The following CYTH1 variants were observed in gnomAD, a reference collection of about 807,000 sequenced individuals.
CYTH1 encodes the protein cytohesin-1.
A neutral mutation model predicts 61.8 loss-of-function variants in CYTH1; 18 were observed. That is an observed-to-expected ratio of 0.29 (90% confidence interval 0.20 to 0.43). The LOEUF (loss-of-function observed/expected upper bound fraction) is 0.43, where lower values mean the gene tolerates loss of function less well. Ranked by LOEUF, CYTH1 falls within the 20% of genes least tolerant of loss-of-function variation. CYTH1 has a pLI of 1.00. For synonymous variants in CYTH1, 174 were observed against 184.3 expected (o/e 0.94, Z 0.45); for missense variants, 336 against 510.5 (o/e 0.66, Z 3.29).
chr17:78,770,272 G>A lies in CYTH1; in HGVS notation c.22+11930C>T, dbSNP rs183446408. 1.0e-3 allele frequency among the ~76,000 whole-genome samples: 137 copies of A among 133,638 alleles called. 1 individual carries two copies. In the East Asian group the frequency reaches 0.026, roughly 25 times the overall value. The allele number at this position is 133,638 out of a possible 152,430, so 87.7% of individuals were successfully genotyped here. A position where few individuals can be genotyped will look rare whatever the true frequency, so the allele number is the denominator to read the frequency against. On this transcript the variant is annotated intron_variant, in intron 1 of 13. Transcript: ENST00000446868. ...CGGGAGGTGGAGGATGCAGTGAGTC[G>A]AAATTGTGCCACTGCACTCCAGCCT...
chr17:78,696,032 G>A (rs774973636), intron 9 of CYTH1, 23 bp from the exon 10 acceptor site: 1 of 1,367,746 alleles, frequency 7.3e-7, no homozygotes, highest in Non-Finnish European at 9.8e-7. Context: ...GCAAGGAAAA[G>A]GAGAGCCAAA....
At chr17:78,677,258 T>C (rs952393833) in intron 13 of CYTH1, 50 of 370,454 alleles carry the variant, frequency 1.3e-4, no homozygotes, top group African/African-American at 8.7e-4. Flanking sequence ...CTTGGCTTCC[T>C]GGGTAGGCCA....
intron 1 of CYTH1, among the ~76,000 whole-genome samples, chr17:78,769,237 A>AGGGG (rs1450638054): frequency 2.0e-5 from 3 of 151,902 alleles, no homozygotes; most frequent in African/African-American, 7.3e-5. Context: ...CCTGTGTAAC[A>AGGGG]ACACATACTG....
chr17:78,732,198 A>AG (rs1193524534), intron 1 of CYTH1, among the ~76,000 whole-genome samples: 1 of 152,140 alleles, frequency 6.6e-6, no homozygotes, highest in African/African-American at 2.4e-5. Flanking sequence ...GACCTAAGAT[A>AG]CCTGCCTTTT....
At position 78,676,094 on chromosome 17, in the gene CYTH1, G is replaced by A. The variant is rs1327734121; in HGVS notation, c.1194C>T (p.His398=). ...RKKKVSSTKR[H] ...ACCAACGCCCTTGGCTGCACGCTCA[G>A]TGTCGCTTCGTGGAGGAGACCTTCT... Residue 398 remains histidine (H), a synonymous_variant, in exon 14 of 14, where the codon CAC becomes CAT. Coordinates refer to ENST00000446868, the MANE Select transcript of CYTH1 (RefSeq NM_004762.6). The A allele has an allele frequency of 6.2e-7, 1 of 1,607,790 alleles. No individual in the cohort carries two copies. Among genetic ancestry groups the A allele is most frequent in the Non-Finnish European group, 8.5e-7 (1 of 1,177,382 alleles).
chr17:78,728,318 G>C (rs1437371570), intron 1 of CYTH1, among the ~76,000 whole-genome samples: 2 of 152,136 alleles, frequency 1.3e-5, no homozygotes, highest in African/African-American at 4.8e-5. Flanking sequence ...GGCCGAGGTG[G>C]GTGGATCACT....
intron 1 of CYTH1, among the ~76,000 whole-genome samples, chr17:78,719,842 C>T (rs1183810095): frequency 6.6e-6 from 1 of 152,202 alleles, no homozygotes; most frequent in African/African-American, 2.4e-5. Context: ...TTCACACCTT[C>T]ACACAGTCTA....
intron 1 of CYTH1, among the ~76,000 whole-genome samples, chr17:78,750,710 G>A (rs2093376576): frequency 6.6e-6 from 1 of 151,630 alleles, no homozygotes; most frequent in Non-Finnish European, 1.5e-5. Context: ...TACAGGCAGG[G>A]AGTATTGCTT....
chr17:78,711,089 C>T (rs1201587962), intron 1 of CYTH1, among the ~76,000 whole-genome samples: 2 of 151,726 alleles, frequency 1.3e-5, no homozygotes, highest in Non-Finnish European at 1.5e-5. Flanking sequence ...GGTGAAACCC[C>T]GTCACTACTA....
In CYTH1 at chr17:78,698,945, C is replaced by T; in HGVS notation, c.574G>A (p.Ala192Thr). 1 of 1,610,938 alleles carries T rather than the reference C, an allele frequency of 6.2e-7. No individual in the cohort carries two copies. Among genetic ancestry groups the T allele is most frequent in the Admixed American group, 1.7e-5 (1 of 59,582 alleles). Residue 192 changes from alanine to threonine, a missense_variant, in exon 8 of 14, where the codon GCC (alanine) becomes ACC (threonine). Transcript: ENST00000446868. ...STDTCYVLSF[A>T]IIMLNTSLHN... ...AGACTGGTGTTCAACATGATGATGGCAAAGGAGAGGACGTAACAAGTATCT... is the reference window on the plus strand; with the variant it reads ...AGACTGGTGTTCAACATGATGATGGTAAAGGAGAGGACGTAACAAGTATCT...
intron 1 of CYTH1, among the ~76,000 whole-genome samples, chr17:78,750,694 T>G (rs940743950): frequency 1.3e-5 from 2 of 150,874 alleles, no homozygotes. Context: ...TAATCCCAGC[T>G]ACAGCTACAG....
intron 1 of CYTH1, among the ~76,000 whole-genome samples, chr17:78,746,822 G>C (rs1002092364): frequency 1.3e-5 from 2 of 151,958 alleles, no homozygotes; most frequent in Non-Finnish European, 2.9e-5. Flanking sequence ...CGTGCCTGTA[G>C]TCTCAGCTAC....
At chr17:78,711,873 T>C (rs1024821616) in intron 1 of CYTH1, among the ~76,000 whole-genome samples, 1 of 151,582 alleles carries the variant, frequency 6.6e-6, no homozygotes, top group Non-Finnish European at 1.5e-5. Context: ...TTGAGCCCAT[T>C]GGGACCAGCA....
intron 1 of CYTH1, among the ~76,000 whole-genome samples, chr17:78,742,634 C>G (rs2093345777): frequency 6.6e-6 from 1 of 151,968 alleles, no homozygotes; most frequent in Non-Finnish European, 1.5e-5. Context: ...GGGTGGATCA[C>G]TTGAAGTCAG....
At chr17:78,687,298 T>C (rs1376276343) in intron 11 of CYTH1, among the ~76,000 whole-genome samples, 2 of 152,200 alleles carry the variant, frequency 1.3e-5, no homozygotes, top group East Asian at 1.9e-4. Context: ...CTGCTGTCAC[T>C]GCAGAAAACA....
At chr17:78,739,938 T>TC (rs2093335703) in intron 1 of CYTH1, among the ~76,000 whole-genome samples, 1 of 145,184 alleles carries the variant, frequency 6.9e-6, no homozygotes, top group Non-Finnish European at 1.5e-5. Flanking sequence ...GCTGCTATCT[T>TC]TTCTTTTTTT....
chr17:78,690,538 A>G (rs1218249866), intron 11 of CYTH1, among the ~76,000 whole-genome samples: 1 of 151,700 alleles, frequency 6.6e-6, no homozygotes, highest in African/African-American at 2.4e-5. Flanking sequence ...AACAGAAAAC[A>G]AAACAAAAAA....
chr17:78,775,897 G>A (rs578119681), intron 1 of CYTH1, among the ~76,000 whole-genome samples: 1 of 152,292 alleles, frequency 6.6e-6, no homozygotes, highest in African/African-American at 2.4e-5. Context: ...GCTCATACCT[G>A]TAATCCCAGC....
At chr17:78,702,351 T>C (rs2144316395) in intron 4 of CYTH1, 111 bp from the exon 5 acceptor site, 2 of 1,043,076 alleles carry the variant, frequency 1.9e-6, no homozygotes, top group East Asian at 2.4e-5. Flanking sequence ...ATTTAATAAA[T>C]ACTTGCTAAG....
Sources: allele counts gnomAD v4.1 joint callset (sites outside exome capture counted in the v4.1 genomes callset), GRCh38; gene constraint gnomAD v4.1.1; transcripts MANE v1.5; gene names NCBI Gene and HGNC (gene_info 2026-07-23, HGNC 2026-07-21).